CDH20: variants seen among roughly 807,000 people sequenced by gnomAD.
The protein encoded by CDH20 is cadherin 20, also known as cadherin-20.
Under a neutral mutation model 74.2 loss-of-function variants are expected in CDH20, and 29 were observed. The ratio of observed to expected loss-of-function variants is 0.39; its 90% CI spans 0.29 to 0.53. The LOEUF (loss-of-function observed/expected upper bound fraction) is 0.53, where lower values mean the gene tolerates loss of function less well. Ranked by LOEUF, CDH20 falls within the 20% of genes least tolerant of loss-of-function variation. The probability of loss-of-function intolerance (pLI) is 0.69; values close to 1 mark genes in which losing one functional copy is unlikely to be tolerated. For synonymous variants in CDH20, 469 were observed against 405.4 expected, an observed-to-expected ratio of 1.16 and a Z score of -1.88; for missense variants, 988 against 1,048.3, an observed-to-expected ratio of 0.94 and a Z score of 0.79.
chr18:61,439,039 G>T (rs1289036635), intron 1 of CDH20, among the ~76,000 whole-genome samples: 2 of 152,084 alleles, frequency 1.3e-5, no homozygotes, highest in East Asian at 1.9e-4. Context: ...ACAAGTGGGG[G>T]CAAAACATTG....
intron 1 of CDH20, among the ~76,000 whole-genome samples, chr18:61,376,777 A>G (rs1050350734): frequency 6.6e-6 from 1 of 152,178 alleles, no homozygotes; most frequent in Non-Finnish European, 1.5e-5. Context: ...GATTCTTCTT[A>G]TAACTTGTGA....
chr18:61,377,028 A>C (rs547737869), intron 1 of CDH20, among the ~76,000 whole-genome samples: 1 of 152,172 alleles, frequency 6.6e-6, no homozygotes, highest in Non-Finnish European at 1.5e-5. Flanking sequence ...TTCTTCTTTC[A>C]TGACAGAAAG....
At chr18:61,343,412 A>G (rs1443465683) in intron 1 of CDH20, among the ~76,000 whole-genome samples, 1 of 152,232 alleles carries the variant, frequency 6.6e-6, no homozygotes, top group Non-Finnish European at 1.5e-5. Context: ...TAACACCAAC[A>G]TGTGCCAGTG....
chr18:61,440,122 C>T (rs373043295), intron 1 of CDH20, among the ~76,000 whole-genome samples: 51 of 152,328 alleles, frequency 3.3e-4, no homozygotes, highest in Non-Finnish European at 6.5e-4. Flanking sequence ...TTACACCTCA[C>T]TCCTTTGCCT....
At chr18:61,536,683 G>T in intron 8 of CDH20, 54 bp downstream of exon 8, 1 of 1,514,418 alleles carries the variant, frequency 6.6e-7, no homozygotes. Context: ...AGGTGTTATA[G>T]AAAGTGGAAG....
chr18:61,347,544 A>C (rs1825869116), intron 1 of CDH20, among the ~76,000 whole-genome samples: 1 of 149,736 alleles, frequency 6.7e-6, no homozygotes, highest in Non-Finnish European at 1.5e-5. Flanking sequence ...ACAAACAAAA[A>C]AAAAACCACA....
At chr18:61,402,551 G>A (rs1912190121) in intron 1 of CDH20, among the ~76,000 whole-genome samples, 1 of 152,130 alleles carries the variant, frequency 6.6e-6, no homozygotes, top group Non-Finnish European at 1.5e-5. Context: ...CTCCCTGATT[G>A]TAAATTAAGC....
intron 1 of CDH20, among the ~76,000 whole-genome samples, chr18:61,471,464 TA>T (rs953426142): frequency 4.5e-4 from 69 of 152,342 alleles, no homozygotes; most frequent in African/African-American, 1.6e-3. Flanking sequence ...AAGTTAATTT[TA>T]AAATCTGTTA....
chr18:61,408,795 A>G (rs1220471857), intron 1 of CDH20, among the ~76,000 whole-genome samples: 2 of 152,240 alleles, frequency 1.3e-5, no homozygotes, highest in Non-Finnish European at 2.9e-5. Flanking sequence ...AACAAAACAA[A>G]CAAACAAAAA....
intron 2 of CDH20, among the ~76,000 whole-genome samples, chr18:61,493,830 T>C (rs1015213860): frequency 6.6e-6 from 1 of 152,196 alleles, no homozygotes; most frequent in African/African-American, 2.4e-5. Context: ...TATTCAGCAA[T>C]TTTCAGTAAT....
chr18:61,481,966 G>A (rs537874231), intron 1 of CDH20, among the ~76,000 whole-genome samples: 140 of 151,296 alleles, frequency 9.3e-4, no homozygotes, highest in African/African-American at 2.2e-3. Flanking sequence ...TTATTCTAGC[G>A]TGAGAGGGGA....
intron 7 of CDH20, among the ~76,000 whole-genome samples, chr18:61,528,452 C>CATACAT (rs758783456): frequency 1.5e-4 from 22 of 147,956 alleles, no homozygotes; most frequent in Admixed American, 6.1e-4. Flanking sequence ...TTGAGACACA[C>CATACAT]ACACACACAC....
chr18:61,536,427 C>T (rs908395734), intron 7 of CDH20, 66 bp from the exon 8 acceptor site: 1 of 1,353,836 alleles, frequency 7.4e-7, no homozygotes, highest in African/African-American at 1.4e-5. Flanking sequence ...ACTCAGTTGT[C>T]TCATGTGGTA....
intron 1 of CDH20, among the ~76,000 whole-genome samples, chr18:61,476,484 G>A (rs1272021111): frequency 6.6e-6 from 1 of 152,062 alleles, no homozygotes; most frequent in Non-Finnish European, 1.5e-5. Flanking sequence ...TTAATAAAAT[G>A]ACTGCTGTAT....
At chr18:61,412,832 C>T (rs141235542) in intron 1 of CDH20, among the ~76,000 whole-genome samples, 37 of 152,170 alleles carry the variant, frequency 2.4e-4, no homozygotes, top group African/African-American at 8.7e-4. Context: ...TTAGGTATGA[C>T]CCATATTTGC....
At chr18:61,366,064 CATA>C (rs986312673) in intron 1 of CDH20, among the ~76,000 whole-genome samples, 2 of 152,124 alleles carry the variant, frequency 1.3e-5, no homozygotes, top group Admixed American at 6.5e-5. Flanking sequence ...ATTTGATTTT[CATA>C]ATAATTCATA....
chr18:61,414,921 A>T (rs1288046539), intron 1 of CDH20, among the ~76,000 whole-genome samples: 1 of 152,086 alleles, frequency 6.6e-6, no homozygotes, highest in African/African-American at 2.4e-5. Context: ...ACCACCATCC[A>T]TCTCCAGAAC....
intron 1 of CDH20, among the ~76,000 whole-genome samples, chr18:61,371,275 T>C (rs1210072207): frequency 6.6e-6 from 1 of 152,082 alleles, no homozygotes; most frequent in Non-Finnish European, 1.5e-5. Context: ...TATTTTTTCA[T>C]TAGTGCTGGT....
chr18:61,405,971 T>A (rs1264924725), intron 1 of CDH20, among the ~76,000 whole-genome samples: 1 of 152,204 alleles, frequency 6.6e-6, no homozygotes, highest in Non-Finnish European at 1.5e-5. Flanking sequence ...TGCTGAACAA[T>A]CTGAGTCTCC....
Sources: allele counts gnomAD v4.1 joint callset (sites outside exome capture counted in the v4.1 genomes callset), GRCh38; gene constraint gnomAD v4.1.1; transcripts MANE v1.5; gene names NCBI Gene and HGNC (gene_info 2026-07-23, HGNC 2026-07-21).